ZNF680: variants seen among roughly 807,000 people sequenced by gnomAD.
ZNF680 encodes zinc finger protein 680, also known as hypothetical protein FLJ90430.
In ZNF680, 6 loss-of-function variants were observed where a neutral mutation model predicts 12.1. The observed-to-expected ratio is 0.49, with a 90% confidence interval of 0.27 to 0.98. ZNF680 has a LOEUF of 0.98. Among genes scored for constraint, ZNF680 ranks in the 50% least tolerant of loss-of-function variants. ZNF680 has a pLI of 0.12. For missense variants in ZNF680, 561 were observed against 616.3 expected, an observed-to-expected ratio of 0.91 and a Z score of 0.95; for synonymous variants, 170 against 199.3, an observed-to-expected ratio of 0.85 and a Z score of 1.24.
chr7:64,555,958 G>C (rs771180844), intron 1 of ZNF680, among the ~76,000 whole-genome samples: 10 of 151,628 alleles, frequency 6.6e-5, no homozygotes, highest in Non-Finnish European at 1.3e-4. Flanking sequence ...ACAAAAATCA[G>C]TAACATCTCT....
At chr7:64,530,415 G>A (rs899340556) in intron 3 of ZNF680, among the ~76,000 whole-genome samples, 1 of 152,070 alleles carries the variant, frequency 6.6e-6, no homozygotes, top group Admixed American at 6.6e-5. Context: ...GCCTTCAAGA[G>A]ACTAACTTAA....
intron 3 of ZNF680, among the ~76,000 whole-genome samples, chr7:64,529,843 C>T (rs1161452335): frequency 6.6e-6 from 1 of 152,138 alleles, no homozygotes; most frequent in Non-Finnish European, 1.5e-5. Context: ...AGGCACACTG[C>T]CATCAGGTTA....
At chr7:64,502,981 TA>T in the ZNF680 span, among the ~76,000 whole-genome samples, 1 of 152,252 alleles carries the variant, frequency 6.6e-6, no homozygotes, top group African/African-American at 2.4e-5. Flanking sequence ...CTCAACCTGT[TA>T]ATCAGTGTCA....
At chr7:64,556,318 A>C (rs537228743) in intron 1 of ZNF680, among the ~76,000 whole-genome samples, 45 of 152,168 alleles carry the variant, frequency 3.0e-4, no homozygotes, top group African/African-American at 9.6e-4. Context: ...AAAAACCAAA[A>C]ACCTGAATAG....
Position 64,521,892 on chromosome 7 carries a change from G to A in ZNF680, c.862C>T (p.His288Tyr), listed in dbSNP as rs1791559034. The A allele has an allele frequency of 1.9e-6, 3 of 1,613,268 alleles. No individual in the cohort carries two copies. The highest frequency in any genetic ancestry group is 2.5e-6 in the Non-Finnish European group (3 of 1,179,654). The change falls in exon 4 of 4, where the codon CAT becomes TAT. Residue 288 changes from histidine to tyrosine, a missense_variant. Physicochemically the swap from His to Tyr is moderately conservative, Grantham distance 83. Coordinates refer to ENST00000309683, the MANE Select transcript of ZNF680 (RefSeq NM_178558.5). ...CATTTGTAAGGTTTGTCTCCAGTAT[G>A]AATTATCTTATGTTTACTAAGGATT... ...FSILSKHKIIHTGDKPYKCDE... is the reference protein window; with the variant it reads ...FSILSKHKIIYTGDKPYKCDE...
intron 1 of ZNF680, among the ~76,000 whole-genome samples, chr7:64,552,447 A>T (rs1787131663): frequency 6.6e-6 from 1 of 152,238 alleles, no homozygotes; most frequent in Non-Finnish European, 1.5e-5. Flanking sequence ...GAGAGCTATT[A>T]TAGTTTTCTG....
chr7:64,525,126 A>C (rs1791768582), intron 3 of ZNF680: 1 of 151,726 alleles, frequency 6.6e-6, no homozygotes, highest in South Asian at 2.1e-4. Context: ...AAGGCATTAC[A>C]GTTTCTGATT....
chr7:64,530,894 GTAATAA>G (rs1161917039), intron 3 of ZNF680, among the ~76,000 whole-genome samples: 4 of 143,408 alleles, frequency 2.8e-5, no homozygotes, highest in Admixed American at 1.4e-4. Context: ...AATAATAATA[GTAATAA>G]TAATAATAAT....
At chr7:64,524,624 T>C (rs1791734017) in intron 3 of ZNF680, 2 of 152,144 alleles carry the variant, frequency 1.3e-5, no homozygotes, top group Admixed American at 6.5e-5. Flanking sequence ...ATAAAGATTT[T>C]AAAAAGACAA....
intron 3 of ZNF680, chr7:64,525,970 A>G: frequency 1.0e-6 from 1 of 985,238 alleles, no homozygotes; most frequent in Non-Finnish European, 1.2e-6. Context: ...TTCATATTTG[A>G]CTTTGTTCCA....
chr7:64,536,147 T>C (rs1047104657), intron 3 of ZNF680, among the ~76,000 whole-genome samples: 16 of 152,052 alleles, frequency 1.1e-4, no homozygotes, highest in African/African-American at 3.4e-4. Context: ...AAGAAATACA[T>C]AGCAACATAA....
At chr7:64,548,776 G>A (rs1451859892) in intron 1 of ZNF680, among the ~76,000 whole-genome samples, 1 of 151,974 alleles carries the variant, frequency 6.6e-6, no homozygotes, top group Non-Finnish European at 1.5e-5. Context: ...ATGACCCTGG[G>A]CTGATGACCC....
the ZNF680 span, among the ~76,000 whole-genome samples, chr7:64,513,632 T>C: frequency 1.3e-5 from 2 of 150,380 alleles, no homozygotes; most frequent in Admixed American, 1.3e-4. Flanking sequence ...AATTTAGCTT[T>C]CTTTCTTTTA....
chr7:64,559,000 C>G (rs1787575647), intron 1 of ZNF680, among the ~76,000 whole-genome samples: 1 of 152,012 alleles, frequency 6.6e-6, no homozygotes, highest in South Asian at 2.1e-4. Flanking sequence ...AGGCTATTGG[C>G]TACATTCCCA....
chr7:64,559,785 G>A (rs781689441), intron 1 of ZNF680, among the ~76,000 whole-genome samples: 11 of 151,908 alleles, frequency 7.2e-5, no homozygotes, highest in Non-Finnish European at 1.3e-4. Flanking sequence ...CCTGGCCAGG[G>A]AGGACTTTTT....
At chr7:64,519,430 T>C (rs1190287441), downstream of ZNF680, among the ~76,000 whole-genome samples, 1 of 151,838 alleles carries the variant, frequency 6.6e-6, no homozygotes, top group East Asian at 1.9e-4. Flanking sequence ...GTGTGGAGAT[T>C]TTTTTAAAGA....
intron 3 of ZNF680, among the ~76,000 whole-genome samples, chr7:64,523,219 T>C (rs117351458): frequency 0.019 from 2,848 of 152,134 alleles, 39 homozygotes; most frequent in Admixed American, 0.029. Flanking sequence ...ATATACAACA[T>C]AAAACGAAAT....
chr7:64,558,473 C>CCAG (rs1254346054), intron 1 of ZNF680, among the ~76,000 whole-genome samples: 1 of 152,004 alleles, frequency 6.6e-6, no homozygotes, highest in Non-Finnish European at 1.5e-5. Context: ...TATTAAAGAC[C>CCAG]CAGCTCTTTC....
At position 64,521,762 on chromosome 7, in the gene ZNF680, A is replaced by G. The variant is rs1791549458; in HGVS notation, c.992T>C (p.Phe331Ser). The change falls in exon 4 of 4, where the codon TTT becomes TCT. Residue 331 changes from phenylalanine to serine, a missense_variant. By Grantham distance (155) the Phe-to-Ser change is radical (BLOSUM62 -2). Transcript: ENST00000309683. ...PFKCEECGKDFNQFSNLTKHK... is the reference protein window; with the variant it reads ...PFKCEECGKDSNQFSNLTKHK... ...TTTAGTAAGGTTTGAAAACTGGTTA[A>G]AGTCTTTGCCACATTCTTCACATTT... is the stretch of plus-strand genomic sequence containing the variant. 1 of 1,612,874 alleles carries G rather than the reference A, an allele frequency of 6.2e-7. No individual in the cohort carries two copies. The highest frequency in any genetic ancestry group is 8.5e-7 in the Non-Finnish European group (1 of 1,179,758).
Sources: allele counts gnomAD v4.1 joint callset (sites outside exome capture counted in the v4.1 genomes callset), GRCh38; gene constraint gnomAD v4.1.1; transcripts MANE v1.5; gene names NCBI Gene and HGNC (gene_info 2026-07-23, HGNC 2026-07-21).